Variants in GRIN2A observed in about 807,000 individuals in gnomAD.
GRIN2A encodes the protein glutamate receptor ionotropic, NMDA 2A.
GRIN2A carries 22 observed loss-of-function variants against 113.4 expected under a neutral mutation model. That is an observed-to-expected ratio of 0.19 (90% CI 0.14 to 0.28). The LOEUF is 0.28. Ranked by LOEUF, GRIN2A falls within the 10% of genes least tolerant of loss-of-function variation. The pLI, the probability that GRIN2A is intolerant of heterozygous loss-of-function variation, is 1.00. For missense variants in GRIN2A, 1,502 were observed against 1,887.0 expected (o/e 0.80, Z 3.78); for synonymous variants, 827 against 738.4 (o/e 1.12, Z -1.94).
intron 10 of GRIN2A, among the ~76,000 whole-genome samples, chr16:9,813,135 A>G (rs1228019335): frequency 6.6e-6 from 1 of 152,250 alleles, no homozygotes; most frequent in African/African-American, 2.4e-5. Flanking sequence ...AGTACCCTTC[A>G]GTGCTAGTTA....
intron 4 of GRIN2A, among the ~76,000 whole-genome samples, chr16:9,869,818 T>C (rs147043889): frequency 4.5e-4 from 69 of 152,338 alleles, no homozygotes; most frequent in South Asian, 1.0e-3. Flanking sequence ...AGGATGACAT[T>C]AACTCATGTT....
chr16:10,014,087 C>T (rs1411670824), intron 2 of GRIN2A, among the ~76,000 whole-genome samples: 4 of 152,204 alleles, frequency 2.6e-5, no homozygotes, highest in Non-Finnish European at 4.4e-5. Context: ...TCTGTGAGAG[C>T]AGAGTGCAAG....
intron 2 of GRIN2A, among the ~76,000 whole-genome samples, chr16:10,167,164 T>C (rs149776928): frequency 2.0e-5 from 3 of 152,282 alleles, no homozygotes; most frequent in East Asian, 3.9e-4. Flanking sequence ...CAAGGAAGTC[T>C]ATGAAAGGGT....
chr16:10,093,804 G>C (rs752196278), intron 2 of GRIN2A, among the ~76,000 whole-genome samples: 1 of 152,096 alleles, frequency 6.6e-6, no homozygotes, highest in Non-Finnish European at 1.5e-5. Context: ...GGCCAATTAC[G>C]TGAGGGAGAC....
At chr16:9,801,261 G>A (rs78979785) in intron 10 of GRIN2A, among the ~76,000 whole-genome samples, 5,402 of 152,232 alleles carry the variant, frequency 0.035, 308 homozygotes, top group African/African-American at 0.12. Context: ...AATACTTCCC[G>A]TATCCATGTT....
chr16:10,118,817 A>G (rs907111274), intron 2 of GRIN2A, among the ~76,000 whole-genome samples: 2 of 152,234 alleles, frequency 1.3e-5, no homozygotes, highest in Non-Finnish European at 2.9e-5. Context: ...AAGATGAGCC[A>G]TTCAATATTG....
intron 4 of GRIN2A, among the ~76,000 whole-genome samples, chr16:9,876,805 G>A (rs993153322): frequency 7.9e-5 from 12 of 152,106 alleles, no homozygotes; most frequent in Admixed American, 2.0e-4. Context: ...ATGGATGGAT[G>A]GTTTATTAGA....
At chr16:9,965,760 G>T (rs1003849859) in intron 2 of GRIN2A, among the ~76,000 whole-genome samples, 2 of 152,294 alleles carry the variant, frequency 1.3e-5, no homozygotes, top group Non-Finnish European at 2.9e-5. Context: ...TAAAGCAGGG[G>T]TTGACAATCC....
intron 2 of GRIN2A, among the ~76,000 whole-genome samples, chr16:9,974,377 A>G (rs370235803): frequency 1.3e-5 from 2 of 152,174 alleles, no homozygotes; most frequent in East Asian, 1.9e-4. Flanking sequence ...CAGACATTGT[A>G]TGGAAAAGCA....
At chr16:10,115,712 G>C (rs1265685315) in intron 2 of GRIN2A, among the ~76,000 whole-genome samples, 2 of 152,216 alleles carry the variant, frequency 1.3e-5, no homozygotes, top group African/African-American at 4.8e-5. Context: ...AACATTTTGT[G>C]TGAATGGGGT....
At chr16:10,009,392 G>C (rs1252367696) in intron 2 of GRIN2A, among the ~76,000 whole-genome samples, 1 of 152,158 alleles carries the variant, frequency 6.6e-6, no homozygotes, top group Non-Finnish European at 1.5e-5. Context: ...GTGAGGATTA[G>C]GAGCTAAGAA....
chr16:10,179,007 C>A (rs1455387231), intron 2 of GRIN2A, among the ~76,000 whole-genome samples: 2 of 152,098 alleles, frequency 1.3e-5, no homozygotes, highest in African/African-American at 4.8e-5. Context: ...CCTTTTTTCT[C>A]ATTCCTCACT....
intron 11 of GRIN2A, among the ~76,000 whole-genome samples, chr16:9,774,810 C>T (rs948846929): frequency 3.9e-5 from 6 of 152,192 alleles, no homozygotes; most frequent in Non-Finnish European, 4.4e-5. Flanking sequence ...ATCAGTATTT[C>T]TGGAGATATT....
intron 2 of GRIN2A, among the ~76,000 whole-genome samples, chr16:10,136,369 A>T (rs1209576222): frequency 6.6e-6 from 1 of 152,216 alleles, no homozygotes; most frequent in Non-Finnish European, 1.5e-5. Flanking sequence ...CAAAAACTTC[A>T]AGGAGGAGAT....
chr16:10,122,506 T>G (rs903569516), intron 2 of GRIN2A, among the ~76,000 whole-genome samples: 1 of 152,124 alleles, frequency 6.6e-6, no homozygotes, highest in Admixed American at 6.6e-5. Context: ...TTGAAGGTCA[T>G]TAGAGGCATG....
At chr16:9,844,224 T>C (rs1359730865) in intron 5 of GRIN2A, among the ~76,000 whole-genome samples, 2 of 152,204 alleles carry the variant, frequency 1.3e-5, no homozygotes, top group African/African-American at 2.4e-5. Flanking sequence ...AGCCAGTTTA[T>C]GAGTTATCTC....
chr16:10,051,148 A>T (rs991512843), intron 2 of GRIN2A, among the ~76,000 whole-genome samples: 1 of 152,206 alleles, frequency 6.6e-6, no homozygotes, highest in Admixed American at 6.5e-5. Flanking sequence ...TTGATCAAAC[A>T]ATAAGAAACA....
chr16:9,807,357 GGAGGGA>G (rs1224731413), intron 10 of GRIN2A, among the ~76,000 whole-genome samples: 1 of 33,828 alleles, frequency 3.0e-5, no homozygotes, highest in East Asian at 1.1e-3. Flanking sequence ...AGGGGGAGAG[GGAGGGA>G]GAGGGGGAGG....
intron 2 of GRIN2A, chr16:10,121,245 T>G (rs982852272): frequency 6.6e-6 from 1 of 152,350 alleles, no homozygotes; most frequent in Non-Finnish European, 1.5e-5. Context: ...ATTAAACCAC[T>G]TCCAAGACCC....
Sources: gnomAD v4.1 joint callset for allele counts (sites outside exome capture counted in the v4.1 genomes callset) on GRCh38, gnomAD v4.1.1 for gene constraint, MANE v1.5 for transcripts, NCBI Gene and HGNC (gene_info 2026-07-23, HGNC 2026-07-21) for gene names.